The following DSCAML1 variants were observed in gnomAD, a reference collection of about 807,000 sequenced individuals.
DSCAML1 encodes DS cell adhesion molecule like 1.
In DSCAML1, 38 loss-of-function variants were observed where a neutral mutation model predicts 200.5. The observed-to-expected ratio is 0.19, with a 90% CI of 0.15 to 0.25. DSCAML1 has a LOEUF of 0.25. DSCAML1 is among the 10% of genes least tolerant of loss of function. The probability of loss-of-function intolerance (pLI) is 1.00; values close to 1 mark genes in which losing one functional copy is unlikely to be tolerated. For missense variants in DSCAML1, 2,223 were observed against 2,858.8 expected (o/e 0.78, Z 5.07); for synonymous variants, 1,215 against 1,165.0 (o/e 1.04, Z -0.87).
Position 117,478,322 on chromosome 11 carries a change from G to A in DSCAML1, c.2785+2121C>T, listed in dbSNP as rs577028864. ...CCCAGATGTGCGCCGGCAGGGAGGC[G>A]GTGTGTGCAGTGCCATGAGGGATGT... On this transcript the variant is annotated intron_variant, in intron 14 of 32. Coordinates refer to ENST00000651296, the MANE Select transcript of DSCAML1 (RefSeq NM_020693.4). Among the ~76,000 whole-genome samples, 499 of 152,242 alleles carry A rather than the reference G, an allele frequency of 3.3e-3. 5 individuals are homozygous for A. Among genetic ancestry groups the A allele is most frequent in the Admixed American group, 9.5e-3 (145 of 15,298 alleles).
intron 3 of DSCAML1, among the ~76,000 whole-genome samples, chr11:117,594,259 C>G (rs932618735): frequency 1.3e-5 from 2 of 152,164 alleles, no homozygotes; most frequent in Non-Finnish European, 2.9e-5. Flanking sequence ...AGTGGGGATA[C>G]TTTGACATTT....
intron 1 of DSCAML1, 126 bp downstream of exon 1, chr11:117,796,908 C>T: frequency 1.6e-6 from 1 of 608,666 alleles, no homozygotes; most frequent in Non-Finnish European, 2.4e-6. Flanking sequence ...CTGCGCCCCA[C>T]CCGGGGCCTT....
chr11:117,639,963 T>C (rs1828545354), intron 3 of DSCAML1, among the ~76,000 whole-genome samples: 1 of 152,142 alleles, frequency 6.6e-6, no homozygotes, highest in South Asian at 2.1e-4. Context: ...CCAGGAATGT[T>C]CTCTCATGGA....
chr11:117,516,856 C>G lies in DSCAML1; in HGVS notation c.1511-117G>C. 1 of 1,289,276 alleles carries G rather than the reference C, an allele frequency of 7.8e-7. No homozygotes were observed. Among genetic ancestry groups the G allele is most frequent in the Non-Finnish European group, 1.0e-6 (1 of 955,542 alleles). The allele number at this position is 1,289,276 out of a possible 1,614,324, so 79.9% of individuals were successfully genotyped here. Reference sequence around the variant, plus strand: ...TCAGGCACTCGGCCCCTGAGACTTTCGGGGGCGGACATTTGGTGGGGGCAC... The same window carrying G: ...TCAGGCACTCGGCCCCTGAGACTTTGGGGGGCGGACATTTGGTGGGGGCAC... On this transcript the variant is annotated intron_variant, in intron 7 of 32. Coordinates refer to ENST00000651296, the MANE Select transcript of DSCAML1 (RefSeq NM_020693.4). This position sits in a 1 kb window ranked among gnomAD's most constrained non-coding sequence, Gnocchi z 5.7.
At position 117,430,930 on chromosome 11, in the gene DSCAML1, G is replaced by A. The variant is rs146220477; in HGVS notation, c.5478C>T (p.His1826=). 457 of 1,614,060 alleles carry A rather than the reference G, an allele frequency of 2.8e-4. No homozygotes were observed. Among genetic ancestry groups the A allele is most frequent in the Non-Finnish European group, 3.6e-4 (427 of 1,180,054 alleles). The stretch of plus-strand genomic sequence containing the variant: ...AGCACTCGGTGATCTCAAACTTGGC[G>A]TGCTGCAGCTGCTCCTCCAGCTTGG... ...EHAKLEEQLQ[H]AKFEITECFI... is the part of the protein sequence containing the mutation. Residue 1826 remains histidine, a synonymous_variant, in exon 32 of 33, where the codon CAC becomes CAT. Transcript: ENST00000651296.
intron 14 of DSCAML1, among the ~76,000 whole-genome samples, chr11:117,477,198 G>GACACACAC (rs60376380): frequency 0.021 from 3,000 of 144,662 alleles, 104 homozygotes; most frequent in African/African-American, 0.066. Context: ...GCTGTCCTTA[G>GACACACAC]ACACACACAC....
intron 3 of DSCAML1, among the ~76,000 whole-genome samples, chr11:117,566,097 C>T (rs2050750546): frequency 6.6e-6 from 1 of 152,208 alleles, no homozygotes; most frequent in South Asian, 2.1e-4. Flanking sequence ...GCCATTTTAT[C>T]CTCCTGCAAT....
intron 3 of DSCAML1, among the ~76,000 whole-genome samples, chr11:117,706,556 T>C (rs375558754): frequency 6.6e-6 from 1 of 152,182 alleles, no homozygotes; most frequent in East Asian, 1.9e-4. Context: ...CTGGGCCGGA[T>C]TGACTTTTCC....
At chr11:117,713,089 G>A (rs545566260) in intron 3 of DSCAML1, among the ~76,000 whole-genome samples, 3 of 152,112 alleles carry the variant, frequency 2.0e-5, no homozygotes, top group South Asian at 4.2e-4. Flanking sequence ...GTTTCCCCAC[G>A]GCTCTTTCTC....
rs200801694 is a variant in DSCAML1, at chr11:117,464,994, C to G, written c.3213G>C (p.Arg1071=). 141 of 1,614,102 alleles carry G rather than the reference C, an allele frequency of 8.7e-5. No individual in the cohort carries two copies. The Admixed American group carries it at 2.3e-3, about 27-fold the overall frequency. The change falls in exon 17 of 33, where the codon CGG becomes CGC. Residue 1071 remains arginine, a synonymous_variant. Coordinates refer to ENST00000651296, the MANE Select transcript of DSCAML1 (RefSeq NM_020693.4). The part of the protein sequence containing the change: ...QYGVVVQAFN[R]AGTGPSSSEI... ...CGCTGGAAGAGGGCCCCGTGCCAGC[C>G]CGATTGAAGGCTTGGACCACCACCC... is the stretch of plus-strand genomic sequence containing the variant.
At chr11:117,771,440 GC>G (rs1194990957) in intron 3 of DSCAML1, among the ~76,000 whole-genome samples, 6 of 152,298 alleles carry the variant, frequency 3.9e-5, no homozygotes, top group African/African-American at 1.2e-4. Flanking sequence ...TGGTCTTTAA[GC>G]TGGAGATCTG....
At chr11:117,662,679 T>C (rs897251057) in intron 3 of DSCAML1, among the ~76,000 whole-genome samples, 5 of 152,214 alleles carry the variant, frequency 3.3e-5, no homozygotes, top group African/African-American at 1.2e-4. Context: ...CACAGGGACA[T>C]TGGTTTTCAG....
chr11:117,623,216 C>CTTT lies in DSCAML1; in HGVS notation c.512-90697_512-90695dup, dbSNP rs56343852. Among the ~76,000 whole-genome samples, 1,139 of 121,086 alleles carry CTTT rather than the reference C, an allele frequency of 9.4e-3. 36 individuals carry two copies. The highest frequency in any genetic ancestry group is 0.012 in the Non-Finnish European group (730 of 60,856). The allele number at this position is 121,086 out of a possible 152,430, so 79.4% of individuals were successfully genotyped here. Reference sequence around the variant, plus strand: ...TTTTTTTTCTTTTTTCTTTTCTTTTCTTTTTTTTTTTTTTTTTGAGACAGA... The same window carrying CTTT: ...TTTTTTTTCTTTTTTCTTTTCTTTTCTTTTTTTTTTTTTTTTTTTTGAGACAGA... On this transcript the variant is annotated intron_variant, in intron 3 of 32. Transcript: ENST00000651296.
intron 1 of DSCAML1, among the ~76,000 whole-genome samples, chr11:117,793,100 C>T (rs1485874673): frequency 6.6e-6 from 1 of 152,216 alleles, no homozygotes; most frequent in Non-Finnish European, 1.5e-5. Context: ...CAAGATGCTA[C>T]TCACAGAGGG....
At chr11:117,721,339 G>A (rs944654624) in intron 3 of DSCAML1, among the ~76,000 whole-genome samples, 46 of 152,174 alleles carry the variant, frequency 3.0e-4, no homozygotes, top group Admixed American at 5.9e-4. Context: ...TCGGAGATCC[G>A]TAGTTTAAGT....
chr11:117,673,552 C>T (rs2053152968), intron 3 of DSCAML1, among the ~76,000 whole-genome samples: 1 of 152,246 alleles, frequency 6.6e-6, no homozygotes, highest in Non-Finnish European at 1.5e-5. Flanking sequence ...CCAAACTCCC[C>T]ATGCCCAGGG....
At chr11:117,652,661 C>G (rs1716017916) in intron 3 of DSCAML1, among the ~76,000 whole-genome samples, 1 of 152,348 alleles carries the variant, frequency 6.6e-6, no homozygotes, top group South Asian at 2.1e-4. Context: ...CCTCAAGATT[C>G]TTGCCTGGGC....
chr11:117,744,595 G>A (rs1240907791), intron 3 of DSCAML1, among the ~76,000 whole-genome samples: 1 of 152,218 alleles, frequency 6.6e-6, no homozygotes, highest in Non-Finnish European at 1.5e-5. Flanking sequence ...CTGTGGCTGG[G>A]GGGTGTTCCC....
intron 8 of DSCAML1, among the ~76,000 whole-genome samples, chr11:117,515,431 C>T (rs1343817858): frequency 2.6e-5 from 4 of 152,020 alleles, no homozygotes; most frequent in Non-Finnish European, 4.4e-5. Context: ...TTGGGGGTTT[C>T]GAAGACCTTC....
Sources: allele counts gnomAD v4.1 joint callset (sites outside exome capture counted in the v4.1 genomes callset), GRCh38; gene constraint gnomAD v4.1.1; non-coding constraint Gnocchi (gnomAD v3.1); transcripts MANE v1.5; gene names NCBI Gene and HGNC (gene_info 2026-07-23, HGNC 2026-07-21).